Variants in HIP1 observed in about 807,000 individuals in gnomAD.
The protein encoded by HIP1 is huntingtin interacting protein 1.
Under a neutral mutation model 147.6 loss-of-function variants are expected in HIP1, and 65 were observed. The ratio of observed to expected loss-of-function variants is 0.44; its 90% CI spans 0.36 to 0.54. The LOEUF is 0.54. Ranked by LOEUF, HIP1 falls within the 20% of genes least tolerant of loss-of-function variation. HIP1 has a pLI of 0.00. For missense variants in HIP1, 1,061 were observed against 1,299.6 expected, an observed-to-expected ratio of 0.82 and a Z score of 2.82; for synonymous variants, 479 against 504.0, an observed-to-expected ratio of 0.95 and a Z score of 0.67.
In HIP1 at chr7:75,534,670, G is replaced by A. The variant is rs1465190168; in HGVS notation, c.*3502C>T. 2 of 177,616 alleles carry A rather than the reference G, an allele frequency of 1.1e-5. No homozygotes were observed. The highest frequency in any genetic ancestry group is 2.4e-5 in the Non-Finnish European group (2 of 82,650). 11.0% of individuals were successfully genotyped at this position (177,616 alleles called of 1,614,324 possible). ...GCTAGTCTTGAACTCCTGACCTCAG[G>A]TGATCCACCCGCCCCTGCCTCCCAA... On this transcript the variant is annotated 3_prime_UTR_variant, in exon 31 of 31. Coordinates refer to ENST00000336926, the MANE Select transcript of HIP1 (RefSeq NM_005338.7).
chr7:75,540,595 A>C (rs887171539), intron 29 of HIP1, among the ~76,000 whole-genome samples: 38 of 152,036 alleles, frequency 2.5e-4, no homozygotes, highest in African/African-American at 9.2e-4. Flanking sequence ...TGGGGAACAG[A>C]GCAAGGCCCT....
At chr7:75,617,702 G>A (rs587595289) in intron 1 of HIP1, among the ~76,000 whole-genome samples, 21 of 152,284 alleles carry the variant, frequency 1.4e-4, no homozygotes, top group African/African-American at 4.8e-4. Flanking sequence ...AAGGAGAAGC[G>A]GGCCCATATG....
In HIP1 at chr7:75,659,854, G is replaced by A. The variant is rs370536841; in HGVS notation, c.121-60607C>T. 1.7e-4 allele frequency among the ~76,000 whole-genome samples: 25 copies of A among 151,504 alleles called. 1 individual carries two copies. The highest frequency in any genetic ancestry group is 5.6e-4 in the African/African-American group (23 of 41,284). On this transcript the variant is annotated intron_variant, in intron 1 of 30. Coordinates refer to ENST00000336926, the MANE Select transcript of HIP1 (RefSeq NM_005338.7). Reference sequence around the variant, plus strand: ...AAATAACTCAGGTTCTGGCCTGGGGGTGGTGGCTCACACCTGTAATCCCAG... The same window carrying A: ...AAATAACTCAGGTTCTGGCCTGGGGATGGTGGCTCACACCTGTAATCCCAG...
At position 75,634,379 on chromosome 7, in the gene HIP1, G is replaced by A. The variant is rs182445022; in HGVS notation, c.121-35132C>T. On this transcript the variant is annotated intron_variant, in intron 1 of 30. Transcript: ENST00000336926. ...TAGGAACCCAGAGGCCAAAGGCCAC[G>A]ACCCCCAGCTCATCTTTTGAAATTA... Among the ~76,000 whole-genome samples the A allele has an allele frequency of 2.1e-3, 317 of 152,234 alleles. 1 individual carries two copies. Among genetic ancestry groups the A allele is most frequent in the African/African-American group, 7.0e-3 (291 of 41,530 alleles).
At chr7:75,639,266 C>CGAGGGG (rs1195562808) in intron 1 of HIP1, 4 of 29,348 alleles carry the variant, frequency 1.4e-4, no homozygotes, top group African/African-American at 5.0e-4. Context: ...GGGGAGGCGG[C>CGAGGGG]GAGGGGGAGG....
At chr7:75,720,489 A>C (rs1801467615) in intron 1 of HIP1, among the ~76,000 whole-genome samples, 1 of 152,096 alleles carries the variant, frequency 6.6e-6, no homozygotes, top group Non-Finnish European at 1.5e-5. Context: ...GTTAAAGGGA[A>C]TCTCTCTGAG....
chr7:75,663,966 ATATATACACATATATGTG>A lies in HIP1; in HGVS notation c.121-64737_121-64720del, dbSNP rs1291844040. On this transcript the variant is annotated intron_variant, in intron 1 of 30. Transcript: ENST00000336926. ...TATATATACACATATATGTGTATAT[ATATATACACATATATGTG>A]TATATATATACACATATATGTGTAT... 3.0e-3 allele frequency among the ~76,000 whole-genome samples: 90 copies of A among 29,620 alleles called. 10 individuals are homozygous for A. Among genetic ancestry groups the A allele is most frequent in the African/African-American group, 0.012 (77 of 6,248 alleles). 19.4% of individuals were successfully genotyped at this position (29,620 alleles called of 152,430 possible). A position where few individuals can be genotyped will look rare whatever the true frequency, so the allele number is the denominator to read the frequency against.
At chr7:75,689,012 C>T (rs1800358536) in intron 1 of HIP1, among the ~76,000 whole-genome samples, 1 of 152,078 alleles carries the variant, frequency 6.6e-6, no homozygotes, top group Non-Finnish European at 1.5e-5. Flanking sequence ...AGCAAACAAA[C>T]AGAGTGTACG....
At chr7:75,680,771 G>A (rs185028709) in intron 1 of HIP1, among the ~76,000 whole-genome samples, 304 of 151,344 alleles carry the variant, frequency 2.0e-3, no homozygotes, top group African/African-American at 6.4e-3. Context: ...CACCACGCCC[G>A]GCTAAATTTT....
At chr7:75,616,637 GA>G (rs139671052) in intron 1 of HIP1, among the ~76,000 whole-genome samples, 2,768 of 151,874 alleles carry the variant, frequency 0.018, 90 homozygotes, top group African/African-American at 0.064. Flanking sequence ...CGAGGAGGAG[GA>G]AGAAATAGTA....
At position 75,572,728 on chromosome 7, in the gene HIP1, G is replaced by A. The variant is rs782585248; in HGVS notation, c.745+1033C>T. Among the ~76,000 whole-genome samples, 109 of 152,264 alleles carry A rather than the reference G, an allele frequency of 7.2e-4. 1 individual carries two copies. Among genetic ancestry groups the A allele is most frequent in the African/African-American group, 2.2e-3 (92 of 41,572 alleles). ...AGCCTCCCTGTGCTCTTGAGGGTCCGGAGCAGGCAGGAACCCTACCTTCCC... is the reference window on the plus strand; with the variant it reads ...AGCCTCCCTGTGCTCTTGAGGGTCCAGAGCAGGCAGGAACCCTACCTTCCC... On this transcript the variant is annotated intron_variant, in intron 8 of 30. Coordinates refer to ENST00000336926, the MANE Select transcript of HIP1 (RefSeq NM_005338.7).
At position 75,715,458 on chromosome 7, in the gene HIP1, C is replaced by CAGAGAGAGAG. The variant is rs1164089551; in HGVS notation, c.120+23333_120+23342dup. Among the ~76,000 whole-genome samples the CAGAGAGAGAG allele has an allele frequency of 6.6e-5, 7 of 106,646 alleles. 1 individual carries two copies. The South Asian group carries it at 1.8e-3, about 27-fold the overall frequency. The allele number at this position is 106,646 out of a possible 152,430, so 70.0% of individuals were successfully genotyped here. A position where few individuals can be genotyped will look rare whatever the true frequency, so the allele number is the denominator to read the frequency against. ...GAAAGAAGGGAGAGAGAGACACACA[C>CAGAGAGAGAG]AGAGAGAGAGAGAGAGAGAGAGAGA... is the stretch of plus-strand genomic sequence containing the variant. On this transcript the variant is annotated intron_variant, in intron 1 of 30. Coordinates refer to ENST00000336926, the MANE Select transcript of HIP1 (RefSeq NM_005338.7).
At chr7:75,691,811 A>G (rs1285495264) in intron 1 of HIP1, among the ~76,000 whole-genome samples, 2 of 152,208 alleles carry the variant, frequency 1.3e-5, no homozygotes, top group Admixed American at 6.6e-5. Context: ...AACAAAAAAA[A>G]CTTCCAGAAT....
intron 1 of HIP1, among the ~76,000 whole-genome samples, chr7:75,693,550 A>G (rs1163466179): frequency 2.6e-5 from 4 of 151,914 alleles, no homozygotes; most frequent in African/African-American, 2.4e-5. Flanking sequence ...ACCCTTTACT[A>G]GTTGTTTAGC....
chr7:75,629,817 T>C (rs1272641502), intron 1 of HIP1, among the ~76,000 whole-genome samples: 1 of 152,100 alleles, frequency 6.6e-6, no homozygotes, highest in African/African-American at 2.4e-5. Context: ...GCTGGAATTA[T>C]AGGTGTGAGC....
At chr7:75,717,279 A>C (rs1172046019) in intron 1 of HIP1, among the ~76,000 whole-genome samples, 1 of 152,174 alleles carries the variant, frequency 6.6e-6, no homozygotes, top group African/African-American at 2.4e-5. Context: ...ACCCAACCAA[A>C]CAAAGACAGT....
At chr7:75,684,910 T>A (rs1800208243) in intron 1 of HIP1, among the ~76,000 whole-genome samples, 2 of 151,778 alleles carry the variant, frequency 1.3e-5, no homozygotes, top group Non-Finnish European at 1.5e-5. Context: ...GCTAACATGG[T>A]GAAACCCCGT....
intron 1 of HIP1, among the ~76,000 whole-genome samples, chr7:75,641,097 A>T (rs1798636709): frequency 6.6e-6 from 1 of 152,016 alleles, no homozygotes; most frequent in African/African-American, 2.4e-5. Context: ...ACTTGAGGCC[A>T]GGAGTTTGAG....
intron 5 of HIP1, among the ~76,000 whole-genome samples, chr7:75,582,744 T>C (rs781791794): frequency 1.3e-5 from 2 of 151,872 alleles, no homozygotes; most frequent in Non-Finnish European, 2.9e-5. Flanking sequence ...GAGGCGGAGG[T>C]TGCAGTGAGC....
Sources: gnomAD v4.1 joint callset for allele counts (sites outside exome capture counted in the v4.1 genomes callset) on GRCh38, gnomAD v4.1.1 for gene constraint, MANE v1.5 for transcripts, NCBI Gene and HGNC (gene_info 2026-07-23, HGNC 2026-07-21) for gene names.